TNKS: variants seen among roughly 807,000 people sequenced by gnomAD.
The protein encoded by TNKS is tankyrase, also known as poly [ADP-ribose] polymerase tankyrase-1.
In TNKS, 72 loss-of-function variants were observed where a neutral mutation model predicts 135.8. That is an observed-to-expected ratio of 0.53 (90% CI 0.44 to 0.64). TNKS has a LOEUF of 0.64. TNKS is among the 30% of genes least tolerant of loss of function. The pLI, the probability that TNKS is intolerant of heterozygous loss-of-function variation, is 0.00. For missense variants in TNKS, 1,769 were observed against 1,674.0 expected (o/e 1.06, Z -0.99); for synonymous variants, 849 against 649.3 (o/e 1.31, Z -4.68).
At chr8:9,727,565 C>G (rs1446484702) in intron 13 of TNKS, among the ~76,000 whole-genome samples, 2 of 152,198 alleles carry the variant, frequency 1.3e-5, no homozygotes, top group South Asian at 4.1e-4. Context: ...GTGTGCACCA[C>G]TGCACCCAGC....
At chr8:9,568,535 T>C (rs1272926338) in intron 1 of TNKS, among the ~76,000 whole-genome samples, 2 of 152,206 alleles carry the variant, frequency 1.3e-5, no homozygotes, top group South Asian at 4.1e-4. Context: ...TAAACTCCAT[T>C]ATATGTAAAT....
intron 1 of TNKS, among the ~76,000 whole-genome samples, chr8:9,579,823 C>A (rs998192275): frequency 6.6e-6 from 1 of 152,156 alleles, no homozygotes; most frequent in African/African-American, 2.4e-5. Flanking sequence ...TTTCTATATA[C>A]AGTTTTGTGT....
chr8:9,710,051 G>A lies in TNKS; in HGVS notation c.1670+5G>A. 6.2e-7 allele frequency: 1 copy of A among 1,612,706 alleles called. No individual in the cohort carries two copies. The highest frequency in any genetic ancestry group is 8.5e-7 in the Non-Finnish European group (1 of 1,178,720). ...TGTTAATGAAAAAAATAAAGAGTAA[G>A]TATAATTGCAGAAGGAGTTGTTCAG... On this transcript the variant is annotated splice_donor_5th_base_variant and intron_variant, in intron 10 of 26. Coordinates refer to ENST00000310430, the MANE Select transcript of TNKS (RefSeq NM_003747.3).
intron 3 of TNKS, among the ~76,000 whole-genome samples, chr8:9,667,469 A>G (rs568944748): frequency 6.6e-6 from 1 of 152,238 alleles, no homozygotes; most frequent in Non-Finnish European, 1.5e-5. Flanking sequence ...GGAGTCGCCT[A>G]TTCAGGGATT....
intron 5 of TNKS, among the ~76,000 whole-genome samples, chr8:9,688,824 A>G (rs1322072271): frequency 6.6e-6 from 1 of 152,054 alleles, no homozygotes; most frequent in Admixed American, 6.6e-5. Context: ...TATTTTTAGT[A>G]GAGATGGCGT....
Position 9,710,003 on chromosome 8 carries a change from T to C in TNKS, c.1627T>C (p.Leu543=), listed in dbSNP as rs766702944. 20 of 1,613,976 alleles carry C rather than the reference T, an allele frequency of 1.2e-5. No individual in the cohort carries two copies. The highest frequency in any genetic ancestry group is 3.3e-4 in the Middle Eastern group (2 of 6,036). The change falls in exon 10 of 27, where the codon TTG becomes CTG. Residue 543 remains leucine (L), a synonymous_variant. Coordinates refer to ENST00000310430, the MANE Select transcript of TNKS (RefSeq NM_003747.3). The part of the protein sequence containing the change: ...LHPKRKQVTE[L]LLRKGANVNE... ...TCCCAAACGTAAACAAGTGACAGAA[T>C]TGTTACTTAGAAAAGGAGCAAATGT...
chr8:9,709,922 T>C (rs1401227755), intron 9 of TNKS, 33 bp from the exon 10 acceptor site: 1 of 1,542,260 alleles, frequency 6.5e-7, no homozygotes, highest in Non-Finnish European at 9.0e-7. Flanking sequence ...TATGGAAGTG[T>C]ATTTTATTAA....
intron 3 of TNKS, among the ~76,000 whole-genome samples, chr8:9,672,712 A>ACACACACAC (rs1554466579): frequency 1.2e-3 from 101 of 82,844 alleles, no homozygotes; most frequent in Middle Eastern, 6.5e-3. Flanking sequence ...ACACACACAC[A>ACACACACAC]AAAAAAAAAA....
At chr8:9,774,453 G>A (rs1054897747) in intron 26 of TNKS, among the ~76,000 whole-genome samples, 2 of 152,154 alleles carry the variant, frequency 1.3e-5, no homozygotes, top group Non-Finnish European at 2.9e-5. Context: ...AAATGAGTTA[G>A]CAGAAGTGGT....
At chr8:9,662,032 C>T (rs1479762795) in intron 3 of TNKS, among the ~76,000 whole-genome samples, 1 of 152,174 alleles carries the variant, frequency 6.6e-6, no homozygotes, top group African/African-American at 2.4e-5. Context: ...ATCAAAACCA[C>T]AATGAGATAC....
chr8:9,603,139 A>G (rs752627201), intron 2 of TNKS, among the ~76,000 whole-genome samples: 27 of 151,798 alleles, frequency 1.8e-4, no homozygotes, highest in Non-Finnish European at 1.0e-4. Context: ...TGCAACCTCC[A>G]TCTCCCAGTT....
chr8:9,666,517 C>T (rs1372077267), intron 3 of TNKS, among the ~76,000 whole-genome samples: 4 of 151,958 alleles, frequency 2.6e-5, no homozygotes, highest in South Asian at 2.1e-4. Context: ...GCCAGGAGTT[C>T]GAGACCAGCC....
At position 9,701,483 on chromosome 8, in the gene TNKS, A is replaced by C. The variant is rs368872002; in HGVS notation, c.1108-3180A>C. On this transcript the variant is annotated intron_variant, in intron 5 of 26. Coordinates refer to ENST00000310430, the MANE Select transcript of TNKS (RefSeq NM_003747.3). ...GACTTACTGACCAGTCCTCCAAAGC[A>C]GTCCTTGTCTGTGGAGGAAGTTTTC... Among the ~76,000 whole-genome samples, 68 of 152,378 alleles carry C rather than the reference A, an allele frequency of 4.5e-4. 2 individuals carry two copies. Among genetic ancestry groups the C allele is most frequent in the East Asian group, 2.7e-3 (14 of 5,188 alleles).
At chr8:9,767,655 G>A (rs575499968) in intron 25 of TNKS, among the ~76,000 whole-genome samples, 2 of 152,016 alleles carry the variant, frequency 1.3e-5, no homozygotes, top group South Asian at 4.1e-4. Flanking sequence ...GACCTCTGTG[G>A]TTAGGAATAC....
chr8:9,776,533 C>T (rs373751353), intron 26 of TNKS, 117 bp from the exon 27 acceptor site: 2 of 845,910 alleles, frequency 2.4e-6, no homozygotes. Flanking sequence ...TATTAAGAAA[C>T]TGAGTCTATA....
At chr8:9,695,840 A>G (rs1243476277) in intron 5 of TNKS, among the ~76,000 whole-genome samples, 1 of 152,218 alleles carries the variant, frequency 6.6e-6, no homozygotes, top group Non-Finnish European at 1.5e-5. Flanking sequence ...AAAGATGGGA[A>G]TGAAGAAAGA....
At chr8:9,678,308 C>G (rs944776375) in intron 3 of TNKS, among the ~76,000 whole-genome samples, 3 of 152,180 alleles carry the variant, frequency 2.0e-5, no homozygotes. Context: ...TCTCTAACTT[C>G]CATATTGCTA....
chr8:9,763,896 G>C (rs1807282113), intron 22 of TNKS, among the ~76,000 whole-genome samples: 1 of 152,136 alleles, frequency 6.6e-6, no homozygotes, highest in Non-Finnish European at 1.5e-5. Context: ...ATTCTTGTTT[G>C]TTTGTTTAAT....
Position 9,556,053 on chromosome 8 carries a change from C to T in TNKS, c.114C>T (p.Gly38=). 6.2e-7 allele frequency: 1 copy of T among 1,609,800 alleles called. No homozygotes were observed. The highest frequency in any genetic ancestry group is 2.2e-5 in the East Asian group (1 of 44,820). The change falls in exon 1 of 27, where the codon GGC becomes GGT. Residue 38 remains glycine, a synonymous_variant. Coordinates refer to ENST00000310430, the MANE Select transcript of TNKS (RefSeq NM_003747.3). Reference sequence around the variant, plus strand: ...CACCTCCTCCCCCACTCAGCCCTGGCCTGGCCCCGGGGACCACCCCAGCCT... The same window carrying T: ...CACCTCCTCCCCCACTCAGCCCTGGTCTGGCCCCGGGGACCACCCCAGCCT... ...PPPPPPPLSP[G]LAPGTTPASP...
Sources: gnomAD v4.1 joint callset for allele counts (sites outside exome capture counted in the v4.1 genomes callset) on GRCh38, gnomAD v4.1.1 for gene constraint, MANE v1.5 for transcripts, NCBI Gene and HGNC (gene_info 2026-07-23, HGNC 2026-07-21) for gene names.